CEP97: variants seen among roughly 807,000 people sequenced by gnomAD.
CEP97 encodes centrosomal protein 97, also known as centrosomal protein of 97 kDa.
A neutral mutation model predicts 73.1 loss-of-function variants in CEP97; 43 were observed. The observed-to-expected ratio is 0.59, with a 90% CI of 0.46 to 0.76. CEP97 has a LOEUF of 0.76. Ranked by LOEUF, CEP97 falls within the 30% of genes least tolerant of loss-of-function variation. The probability of loss-of-function intolerance (pLI) is 0.00; values close to 1 mark genes in which losing one functional copy is unlikely to be tolerated. For missense variants in CEP97, 939 were observed against 1,014.0 expected (o/e 0.93, Z 1.00); for synonymous variants, 337 against 370.0 (o/e 0.91, Z 1.02).
chr3:101,745,706 G>C (rs1344925167), intron 6 of CEP97, among the ~76,000 whole-genome samples: 2 of 150,352 alleles, frequency 1.3e-5, no homozygotes, highest in African/African-American at 4.9e-5. Flanking sequence ...TTTTTTGTTG[G>C]AATATTTTAT....
intron 6 of CEP97, among the ~76,000 whole-genome samples, chr3:101,750,823 G>A (rs1188436942): frequency 6.6e-6 from 1 of 151,444 alleles, no homozygotes; most frequent in South Asian, 2.1e-4. Flanking sequence ...ATTAGTCTTG[G>A]TAGTGGTCTA....
intron 4 of CEP97, 127 bp downstream of exon 4, chr3:101,729,064 C>T (rs1938004706): frequency 3.2e-6 from 2 of 631,842 alleles, no homozygotes; most frequent in East Asian, 5.6e-5. Flanking sequence ...GAATTATGGG[C>T]TGGGCATGGT....
chr3:101,724,840 T>C lies in CEP97; in HGVS notation c.43+121T>C, dbSNP rs1576672279. The C allele has an allele frequency of 3.8e-6, 4 of 1,055,346 alleles. No homozygotes were observed. In the East Asian group the frequency reaches 1.1e-4, roughly 28 times the overall value. The allele number at this position is 1,055,346 out of a possible 1,614,324, so 65.4% of individuals were successfully genotyped here. ...GACCAGTTCTTTTGATGCGGATCTG[T>C]GGTCGTCGCGGAGGCGGGCTACCCT... On this transcript the variant is annotated intron_variant, in intron 1 of 10. Coordinates refer to ENST00000341893, the MANE Select transcript of CEP97 (RefSeq NM_024548.4).
intron 6 of CEP97, among the ~76,000 whole-genome samples, chr3:101,749,329 A>C (rs927138870): frequency 6.7e-6 from 1 of 149,390 alleles, no homozygotes; most frequent in African/African-American, 2.5e-5. Flanking sequence ...TGAACTCATC[A>C]TTTTTTATGG....
Position 101,762,702 on chromosome 3 carries a change from T to G in CEP97, c.1893+142T>G. ...GGCTTGTGTTCTTCGCCACTAACTGTGAACTAGGACAGTGAATTTTCTTGC... is the reference window on the plus strand; with the variant it reads ...GGCTTGTGTTCTTCGCCACTAACTGGGAACTAGGACAGTGAATTTTCTTGC... On this transcript the variant is annotated intron_variant, in intron 10 of 10. Transcript: ENST00000341893. 3 of 556,836 alleles carry G rather than the reference T, an allele frequency of 5.4e-6. No homozygotes were observed. In the South Asian group the frequency reaches 9.8e-5, roughly 18 times the overall value. The allele number at this position is 556,836 out of a possible 1,614,324, so 34.5% of individuals were successfully genotyped here.
At chr3:101,751,965 C>G (rs1348089920) in intron 6 of CEP97, among the ~76,000 whole-genome samples, 1 of 150,884 alleles carries the variant, frequency 6.6e-6, no homozygotes, top group Non-Finnish European at 1.5e-5. Context: ...ATGATGTTAG[C>G]TGTTTATTTT....
chr3:101,733,126 A>G (rs183973850), intron 6 of CEP97, among the ~76,000 whole-genome samples: 14 of 152,128 alleles, frequency 9.2e-5, no homozygotes, highest in African/African-American at 7.2e-5. Context: ...CTGTCTCTGA[A>G]AAAAAAAGAA....
intron 7 of CEP97, 70 bp downstream of exon 7, chr3:101,755,664 A>G (rs940394141): frequency 1.3e-6 from 2 of 1,499,128 alleles, no homozygotes; most frequent in Admixed American, 1.7e-5. Flanking sequence ...TGCTATGGTG[A>G]TAGTAAGCCT....
At chr3:101,741,255 C>T (rs954573931) in intron 6 of CEP97, among the ~76,000 whole-genome samples, 34 of 152,130 alleles carry the variant, frequency 2.2e-4, no homozygotes, top group African/African-American at 8.0e-4. Flanking sequence ...ACACCTTATA[C>T]AAAAATTAAC....
chr3:101,764,172 T>A (rs1202134115), intron 10 of CEP97, among the ~76,000 whole-genome samples: 1 of 152,094 alleles, frequency 6.6e-6, no homozygotes, highest in Non-Finnish European at 1.5e-5. Flanking sequence ...AAAGGAAAAT[T>A]GTAAAATAGA....
At chr3:101,759,890 GAA>G (rs1485378750) in intron 9 of CEP97, among the ~76,000 whole-genome samples, 1 of 152,016 alleles carries the variant, frequency 6.6e-6, no homozygotes, top group Non-Finnish European at 1.5e-5. Context: ...GAAAACAAGA[GAA>G]AAGAGAGTTA....
intron 6 of CEP97, among the ~76,000 whole-genome samples, chr3:101,751,229 G>T (rs1172970853): frequency 2.6e-5 from 4 of 152,142 alleles, no homozygotes; most frequent in African/African-American, 9.7e-5. Context: ...GGTTTTGAGT[G>T]AGTTTCTTAA....
At chr3:101,733,893 C>A (rs1294119782) in intron 6 of CEP97, among the ~76,000 whole-genome samples, 1 of 151,970 alleles carries the variant, frequency 6.6e-6, no homozygotes, top group Non-Finnish European at 1.5e-5. Flanking sequence ...ATGGCGCGAT[C>A]TCTGCTCATC....
rs1284412921 is a variant in CEP97 at position 101,768,191 on chromosome 3, C to T, written c.*2640C>T. ...AGTTGGAAGGAAGCTTAAGAGATTT[C>T]TGTTCGAATCTCTTTGTTTCAAAGA... On this transcript the variant is annotated 3_prime_UTR_variant, in exon 11 of 11. Transcript: ENST00000341893. 6.6e-6 allele frequency: 1 copy of T among 152,334 alleles called. No homozygotes were observed. Among genetic ancestry groups the T allele is most frequent in the East Asian group, 1.9e-4 (1 of 5,184 alleles). 9.4% of individuals were successfully genotyped at this position (152,334 alleles called of 1,614,324 possible).
intron 1 of CEP97, among the ~76,000 whole-genome samples, chr3:101,725,685 A>G (rs1402709041): frequency 2.0e-5 from 3 of 152,034 alleles, no homozygotes; most frequent in Non-Finnish European, 2.9e-5. Context: ...TGGCATAATT[A>G]TTTCCTGCAG....
intron 6 of CEP97, among the ~76,000 whole-genome samples, chr3:101,735,390 TG>T (rs905441781): frequency 1.1e-4 from 17 of 151,896 alleles, no homozygotes; most frequent in African/African-American, 3.4e-4. Context: ...AAGAAGTGTG[TG>T]GGGGGGTGGC....
rs201084233 is a variant in CEP97 at position 101,770,016 on chromosome 3, ATTTTCTTTTCT to A, written c.*4481_*4491del. On this transcript the variant is annotated 3_prime_UTR_variant, in exon 11 of 11. Transcript: ENST00000341893. ...GAATCACTCTGTAGTAGTTGTGTTC[ATTTTCTTTTCT>A]TTTTCTTTTCTTTTTTTTGAGAGAG... 0.018 allele frequency: 2,745 copies of A among 151,844 alleles called. 42 individuals are homozygous for A. The highest frequency in any genetic ancestry group is 0.054 in the Middle Eastern group (16 of 294). The allele number at this position is 151,844 out of a possible 1,614,324, so 9.4% of individuals were successfully genotyped here.
intron 6 of CEP97, among the ~76,000 whole-genome samples, chr3:101,751,528 T>G (rs967005515): frequency 4.6e-5 from 7 of 152,176 alleles, no homozygotes; most frequent in African/African-American, 1.7e-4. Flanking sequence ...AAGTCTCCCA[T>G]TATTATTGTG....
At chr3:101,734,175 C>T (rs1323943003) in intron 6 of CEP97, among the ~76,000 whole-genome samples, 1 of 152,194 alleles carries the variant, frequency 6.6e-6, no homozygotes, top group African/African-American at 2.4e-5. Flanking sequence ...AGAATTCCCC[C>T]ACCTGTAAAT....
Sources: gnomAD v4.1 joint callset for allele counts (sites outside exome capture counted in the v4.1 genomes callset) on GRCh38, gnomAD v4.1.1 for gene constraint, MANE v1.5 for transcripts, NCBI Gene and HGNC (gene_info 2026-07-23, HGNC 2026-07-21) for gene names.